The following SUZ12 variants were observed in gnomAD, a reference collection of about 807,000 sequenced individuals.
The protein encoded by SUZ12 is polycomb protein SUZ12.
In SUZ12, 17 loss-of-function variants were observed where a neutral mutation model predicts 87.3. The observed-to-expected ratio is 0.19, with a 90% CI of 0.13 to 0.29. The LOEUF (loss-of-function observed/expected upper bound fraction) is 0.29. SUZ12 is among the 10% of genes least tolerant of loss of function. SUZ12 has a pLI of 1.00. For synonymous variants in SUZ12, 253 were observed against 312.4 expected, an observed-to-expected ratio of 0.81 and a Z score of 2.01; for missense variants, 526 against 912.2, an observed-to-expected ratio of 0.58 and a Z score of 5.45.
In SUZ12 at chr17:31,976,560, G is replaced by C. The variant is rs370395074; in HGVS notation, c.863G>C (p.Arg288Pro). 7.4e-6 allele frequency: 12 copies of C among 1,613,250 alleles called. No homozygotes were observed. Among genetic ancestry groups the C allele is most frequent in the Non-Finnish European group, 1.0e-5 (12 of 1,179,500 alleles). The change falls in exon 8 of 16, where the codon CGT becomes CCT. Residue 288 changes from arginine (R) to proline (P), a missense_variant. This residue lies in a region of SUZ12 where 73 missense variants were observed against 133.8 expected (regional missense o/e 0.55). Coordinates refer to ENST00000322652, the MANE Select transcript of SUZ12 (RefSeq NM_015355.4). ...CTTCCAGCCAGAAGAAAACGAAATC[G>C]TGAGGATGGGGAAAAGACATTTGTT... ...EELPARRKRN[R>P]EDGEKTFVAQ...
chr17:31,942,321 G>GT (rs966460926), intron 3 of SUZ12, among the ~76,000 whole-genome samples: 241 of 147,550 alleles, frequency 1.6e-3, no homozygotes, highest in South Asian at 4.3e-3. Context: ...TATATCTTTG[G>GT]TTTTTTTTTT....
intron 6 of SUZ12, 57 bp downstream of exon 6, chr17:31,973,288 A>G (rs1908542298): frequency 7.8e-7 from 1 of 1,275,436 alleles, no homozygotes; most frequent in Non-Finnish European, 1.1e-6. Context: ...TTAATTGGAC[A>G]TCTTTATGCA....
At chr17:31,961,488 G>A (rs1170263707) in intron 4 of SUZ12, among the ~76,000 whole-genome samples, 2 of 152,148 alleles carry the variant, frequency 1.3e-5, no homozygotes, top group Admixed American at 1.3e-4. Context: ...AGGTTGTGGT[G>A]AGCTGAGATC....
At chr17:31,951,727 T>C (rs1043460706) in intron 4 of SUZ12, among the ~76,000 whole-genome samples, 4 of 151,100 alleles carry the variant, frequency 2.6e-5, no homozygotes, top group East Asian at 3.9e-4. Context: ...CCACCCGCCT[T>C]GGCCTCCCAA....
At chr17:31,952,805 C>T (rs1260478509) in intron 4 of SUZ12, among the ~76,000 whole-genome samples, 6 of 152,104 alleles carry the variant, frequency 3.9e-5, no homozygotes, top group Non-Finnish European at 5.9e-5. Flanking sequence ...TCAAGTGATC[C>T]GCCTTCCGTG....
chr17:31,958,566 G>A lies in SUZ12; in HGVS notation c.456-7581G>A, dbSNP rs1907509574. On this transcript the variant is annotated intron_variant, in intron 4 of 15. Coordinates refer to ENST00000322652, the MANE Select transcript of SUZ12 (RefSeq NM_015355.4). The stretch of plus-strand genomic sequence containing the variant: ...TCTCTACTAAAAATCCAAAAAATTA[G>A]GCCAGGTGCGGTGGCTCACGCCTGT... Among the ~76,000 whole-genome samples, 4 of 152,148 alleles carry A rather than the reference G, an allele frequency of 2.6e-5. No individual in the cohort carries two copies. In the South Asian group the frequency reaches 8.3e-4, roughly 32 times the overall value.
chr17:31,966,292 TAA>T (rs1353525993), intron 5 of SUZ12, 96 bp downstream of exon 5: 1 of 1,023,884 alleles, frequency 9.8e-7, no homozygotes, highest in Non-Finnish European at 1.4e-6. Flanking sequence ...TTTATAAAAT[TAA>T]GTTTAATGGA....
chr17:31,969,623 A>G (rs1908298250), intron 5 of SUZ12, among the ~76,000 whole-genome samples: 1 of 152,130 alleles, frequency 6.6e-6, no homozygotes. Flanking sequence ...TTTAACTTTG[A>G]AACTAGTAGA....
rs58491591 is a variant in SUZ12, at chr17:31,980,429, C to CTTTTTT, written c.918-2538_918-2533dup. Reference sequence around the variant, plus strand: ...TAAGATATACCAGAATCACCTTCTCCTTTTTTTTTTTTTTTTTTTTTTTTT... The same window carrying CTTTTTT: ...TAAGATATACCAGAATCACCTTCTCCTTTTTTTTTTTTTTTTTTTTTTTTTTTTTTT... On this transcript the variant is annotated intron_variant, in intron 8 of 15. Coordinates refer to ENST00000322652, the MANE Select transcript of SUZ12 (RefSeq NM_015355.4). Among the ~76,000 whole-genome samples the CTTTTTT allele has an allele frequency of 1.9e-3, 100 of 53,826 alleles. 25 individuals carry two copies. The highest frequency in any genetic ancestry group is 6.8e-3 in the East Asian group (5 of 732). The allele number at this position is 53,826 out of a possible 152,430, so 35.3% of individuals were successfully genotyped here.
At chr17:31,956,798 G>T (rs918491718) in intron 4 of SUZ12, among the ~76,000 whole-genome samples, 1 of 150,874 alleles carries the variant, frequency 6.6e-6, no homozygotes, top group African/African-American at 2.4e-5. Flanking sequence ...ATATTTTTTG[G>T]TTTTTTGAGA....
In SUZ12 at chr17:31,937,423, C is replaced by T. The variant is rs1264918685; in HGVS notation, c.177C>T (p.Ser59=). The T allele has an allele frequency of 1.3e-6, 2 of 1,542,882 alleles. No individual in the cohort carries two copies. The highest frequency in any genetic ancestry group is 5.0e-5 in the East Asian group (2 of 40,088). ...GTTACTCGGCCTCCTCCTCCTCCTC[C>T]GCGGCGGCAGCGGCGGGGGCTGCGG... is the stretch of plus-strand genomic sequence containing the variant. ...GGSYSASSSS[S]AAAAAGAAVL... is the part of the protein sequence containing the mutation. Residue 59 remains serine (S), a synonymous_variant, in exon 1 of 16, where the codon TCC becomes TCT. Transcript: ENST00000322652.
chr17:31,961,190 G>A (rs1907689792), intron 4 of SUZ12, among the ~76,000 whole-genome samples: 1 of 151,744 alleles, frequency 6.6e-6, no homozygotes, highest in South Asian at 2.1e-4. Flanking sequence ...TCCAGCCTGG[G>A]TGACAGAGCG....
Position 31,951,633 on chromosome 17 carries a change from C to T in SUZ12, c.455+3948C>T, listed in dbSNP as rs558374858. ...TAGCTGGGTCAGGTGCGTGCCACCA[C>T]GCCTGGCTAATTTTTTGTATTTTTA... On this transcript the variant is annotated intron_variant, in intron 4 of 15. Coordinates refer to ENST00000322652, the MANE Select transcript of SUZ12 (RefSeq NM_015355.4). Among the ~76,000 whole-genome samples the T allele has an allele frequency of 3.9e-4, 59 of 151,986 alleles. 2 individuals are homozygous for T. The South Asian group carries it at 0.011, about 29-fold the overall frequency.
chr17:31,958,170 G>A (rs1013008871), intron 4 of SUZ12, among the ~76,000 whole-genome samples: 2 of 151,566 alleles, frequency 1.3e-5, no homozygotes, highest in Non-Finnish European at 2.9e-5. Flanking sequence ...CCAAAGTGCC[G>A]GGATTGCAGG....
chr17:31,988,264 A>G (rs1909517719), intron 9 of SUZ12, 56 bp from the exon 10 acceptor site: 5 of 1,452,828 alleles, frequency 3.4e-6, no homozygotes, highest in Non-Finnish European at 4.6e-6. Flanking sequence ...AATTTCTACA[A>G]TTTATTTGAA....
chr17:31,975,747 A>T, intron 7 of SUZ12, 34 bp downstream of exon 7: 1 of 1,500,182 alleles, frequency 6.7e-7, no homozygotes, highest in Non-Finnish European at 9.2e-7. Context: ...TTATCACTGG[A>T]GACTAAGATG....
intron 9 of SUZ12, among the ~76,000 whole-genome samples, chr17:31,987,920 C>G (rs550450375): frequency 6.7e-6 from 1 of 148,664 alleles, no homozygotes; most frequent in Non-Finnish European, 1.5e-5. Flanking sequence ...GCCTGGGCGA[C>G]AAGAGTGAAA....
intron 9 of SUZ12, among the ~76,000 whole-genome samples, chr17:31,983,584 G>A (rs981042973): frequency 7.2e-5 from 11 of 152,184 alleles, no homozygotes; most frequent in Middle Eastern, 3.4e-3. Flanking sequence ...CCGGCCACAC[G>A]GAAGGCATCA....
In SUZ12 at chr17:31,937,369, C is replaced by A. The variant is rs752005012; in HGVS notation, c.123C>A (p.Ser41=). 6.7e-6 allele frequency: 10 copies of A among 1,501,992 alleles called. No homozygotes were observed. Among genetic ancestry groups the A allele is most frequent in the Non-Finnish European group, 8.0e-6 (9 of 1,128,312 alleles). 93.0% of individuals were successfully genotyped at this position (1,501,992 alleles called of 1,614,324 possible). ...CGGCGACGGCTTCGGGCGGCAAATCCGGCGGCGGGAGCTGTGGAGGGGGTG... is the reference window on the plus strand; with the variant it reads ...CGGCGACGGCTTCGGGCGGCAAATCAGGCGGCGGGAGCTGTGGAGGGGGTG... ...VAAATASGGK[S]GGGSCGGGGS... is the part of the protein sequence containing the mutation. Residue 41 remains serine, a synonymous_variant, in exon 1 of 16, where the codon TCC becomes TCA. Transcript: ENST00000322652.
Sources: gnomAD v4.1 joint callset for allele counts (sites outside exome capture counted in the v4.1 genomes callset) on GRCh38, gnomAD v4.1.1 for gene constraint, gnomAD v4.1.1 regional missense constraint, MANE v1.5 for transcripts, NCBI Gene and HGNC (gene_info 2026-07-23, HGNC 2026-07-21) for gene names.